ARGLU1: variants seen among roughly 807,000 people sequenced by gnomAD.
The protein encoded by ARGLU1 is arginine and glutamate rich 1, also known as arginine and glutamate-rich protein 1.
A neutral mutation model predicts 37.6 loss-of-function variants in ARGLU1; 9 were observed. The observed-to-expected ratio is 0.24, with a 90% confidence interval of 0.14 to 0.42. The LOEUF is 0.42. ARGLU1 is among the 10% of genes least tolerant of loss of function. The pLI, the probability that ARGLU1 is intolerant of heterozygous loss-of-function variation, is 1.00. For missense variants in ARGLU1, 211 were observed against 359.2 expected, an observed-to-expected ratio of 0.59 and a Z score of 3.34; for synonymous variants, 166 against 138.5, an observed-to-expected ratio of 1.20 and a Z score of -1.39.
intron 3 of ARGLU1, among the ~76,000 whole-genome samples, chr13:106,546,460 G>T (rs910671887): frequency 2.0e-5 from 3 of 152,066 alleles, no homozygotes; most frequent in Admixed American, 2.0e-4. Flanking sequence ...AATCCTACCT[G>T]TACATCAGAA....
intron 3 of ARGLU1, among the ~76,000 whole-genome samples, chr13:106,553,529 T>C (rs539537468): frequency 1.3e-5 from 2 of 152,354 alleles, no homozygotes; most frequent in South Asian, 2.1e-4. Flanking sequence ...GAAACTGTTA[T>C]ACCCATTTAA....
At chr13:106,552,208 A>G (rs762694897) in intron 3 of ARGLU1, among the ~76,000 whole-genome samples, 2 of 152,204 alleles carry the variant, frequency 1.3e-5, no homozygotes, top group Admixed American at 6.5e-5. Flanking sequence ...GAGATAACAA[A>G]CTGGTGAGAT....
rs1231624616 is a variant in ARGLU1, at chr13:106,543,609, A to T, written c.*387T>A. The T allele has an allele frequency of 6.5e-6, 1 of 153,414 alleles. No individual in the cohort carries two copies. Among genetic ancestry groups the T allele is most frequent in the Non-Finnish European group, 1.5e-5 (1 of 68,696 alleles). 9.5% of individuals were successfully genotyped at this position (153,414 alleles called of 1,614,324 possible). ...ACTTTTTCTTTTTTTATAAATATAT[A>T]AAAAAACAAAAAGTCAGCAAAACCA... On this transcript the variant is annotated 3_prime_UTR_variant, in exon 4 of 4. Transcript: ENST00000400198.
intron 3 of ARGLU1, among the ~76,000 whole-genome samples, chr13:106,548,880 C>G (rs902935655): frequency 3.9e-5 from 6 of 152,184 alleles, no homozygotes; most frequent in Non-Finnish European, 7.3e-5. Flanking sequence ...TCCCGAGTAG[C>G]TGGGACTACA....
At chr13:106,562,956 A>T (rs1177673496) in intron 1 of ARGLU1, among the ~76,000 whole-genome samples, 1 of 138,308 alleles carries the variant, frequency 7.2e-6, no homozygotes. Context: ...GCACCACTGC[A>T]CTCCAGCCTG....
At chr13:106,560,103 G>A (rs560080857) in intron 1 of ARGLU1, among the ~76,000 whole-genome samples, 16 of 152,292 alleles carry the variant, frequency 1.1e-4, no homozygotes, top group South Asian at 8.3e-4. Flanking sequence ...TTGATTTCCC[G>A]CTAAGCAAAG....
In ARGLU1 at chr13:106,567,589, C is replaced by T; in HGVS notation, c.331G>A (p.Glu111Lys). 6.2e-7 allele frequency: 1 copy of T among 1,611,884 alleles called. No individual in the cohort carries two copies. Among genetic ancestry groups the T allele is most frequent in the Non-Finnish European group, 8.5e-7 (1 of 1,178,356 alleles). ...GGCACTCACATTTTTCGCTGCCGCT[C>T]GAACTCCGCTTTCTTCTCCTCCTCC... Reference protein sequence around the residue: ...REEEEKKAEFERQRKIRQQEI... With the variant: ...REEEEKKAEFKRQRKIRQQEI... The change falls in exon 1 of 4, where the codon GAG becomes AAG. Residue 111 changes from glutamate to lysine, a missense_variant. By Grantham distance (56) the Glu-to-Lys change is moderately conservative (BLOSUM62 1). This residue lies in a region of ARGLU1 where 130 missense variants were observed against 179.8 expected (regional missense o/e 0.72). Transcript: ENST00000400198. This position sits in a 1 kb window ranked among gnomAD's most constrained non-coding sequence, Gnocchi z 4.3.
rs573179743 is a variant in ARGLU1, at chr13:106,559,106, A to G, written c.573+326T>C. 329 of 1,258,006 alleles carry G rather than the reference A, an allele frequency of 2.6e-4. 3 individuals carry two copies. The South Asian group carries it at 4.7e-3, about 18-fold the overall frequency. The allele number at this position is 1,258,006 out of a possible 1,614,324, so 77.9% of individuals were successfully genotyped here. ...GGTGGATTTTTAACCTTTTCCCTTT[A>G]CCACTCCCTGTCTCCCCACCGTCCT... On this transcript the variant is annotated intron_variant, in intron 2 of 3. Coordinates refer to ENST00000400198, the MANE Select transcript of ARGLU1 (RefSeq NM_018011.4).
intron 2 of ARGLU1, chr13:106,558,163 G>A (rs1880703574): frequency 1.0e-6 from 1 of 984,608 alleles, no homozygotes; most frequent in Non-Finnish European, 1.2e-6. Context: ...AGCAAATGAA[G>A]AGAAAAAAAT....
chr13:106,549,203 T>C (rs1168553507), intron 3 of ARGLU1, among the ~76,000 whole-genome samples: 1 of 152,220 alleles, frequency 6.6e-6, no homozygotes, highest in Non-Finnish European at 1.5e-5. Flanking sequence ...TATTCTCTAT[T>C]TGAAATATAT....
At position 106,557,615 on chromosome 13, in the gene ARGLU1, C is replaced by G; in HGVS notation, c.574-484G>C. 1 of 1,603,404 alleles carries G rather than the reference C, an allele frequency of 6.2e-7. No homozygotes were observed. Among genetic ancestry groups the G allele is most frequent in the Middle Eastern group, 1.7e-4 (1 of 6,054 alleles). The stretch of plus-strand genomic sequence containing the variant: ...CTCGGCTGCCATACGCGCCAGCTTC[C>G]TCTTTAAAATGATTTGTACTGTTAG... On this transcript the variant is annotated intron_variant, in intron 2 of 3. Transcript: ENST00000400198. The surrounding 1 kb of genome is among the most constrained non-coding windows in gnomAD (Gnocchi z 5.0).
chr13:106,546,244 T>C (rs1317494423), intron 3 of ARGLU1, among the ~76,000 whole-genome samples: 3 of 152,236 alleles, frequency 2.0e-5, no homozygotes, highest in East Asian at 1.9e-4. Flanking sequence ...CTCACCTTTC[T>C]TGACCACTGC....
At chr13:106,558,798 G>C (rs1214443182) in intron 2 of ARGLU1, 1 of 985,292 alleles carries the variant, frequency 1.0e-6, no homozygotes, top group African/African-American at 1.7e-5. Context: ...AAAAAAAGTG[G>C]ATGAATAATC....
intron 1 of ARGLU1, among the ~76,000 whole-genome samples, chr13:106,564,412 A>G (rs1880901407): frequency 6.6e-6 from 1 of 152,228 alleles, no homozygotes; most frequent in African/African-American, 2.4e-5. Context: ...TTATTCAGCA[A>G]CTCAGAATTA....
intron 1 of ARGLU1, among the ~76,000 whole-genome samples, chr13:106,561,424 T>TACACACAC (rs59373729): frequency 1.7e-3 from 251 of 147,964 alleles, no homozygotes; most frequent in Admixed American, 1.9e-3. Flanking sequence ...TAATAAAGTG[T>TACACACAC]ACACACACAC....
In ARGLU1 at chr13:106,567,640, T is replaced by C. The variant is rs768443940; in HGVS notation, c.280A>G (p.Ser94Gly). The C allele has an allele frequency of 1.1e-5, 18 of 1,613,526 alleles. No homozygotes were observed. The Middle Eastern group carries it at 8.3e-4, about 74-fold the overall frequency. ...TCTCGCTTCTGCTTCTCGTCCAGGCTGCTGCGCTTGCTCACCGTGCGCCCG... is the reference window on the plus strand; with the variant it reads ...TCTCGCTTCTGCTTCTCGTCCAGGCCGCTGCGCTTGCTCACCGTGCGCCCG... ...IFGRTVSKRSSLDEKQKREEE... is the reference protein window; with the variant it reads ...IFGRTVSKRSGLDEKQKREEE... The change falls in exon 1 of 4, where the codon AGC (serine) becomes GGC (glycine). Residue 94 changes from serine to glycine, a missense_variant. By Grantham distance (56) the Ser-to-Gly change is moderately conservative. Coordinates refer to ENST00000400198, the MANE Select transcript of ARGLU1 (RefSeq NM_018011.4). This position sits in a 1 kb window ranked among gnomAD's most constrained non-coding sequence, Gnocchi z 4.3.
chr13:106,560,714 TTC>T (rs1402312989), intron 1 of ARGLU1, among the ~76,000 whole-genome samples: 1 of 152,338 alleles, frequency 6.6e-6, no homozygotes, highest in South Asian at 2.1e-4. Context: ...AATGAATAAA[TTC>T]TGAGGCTCTT....
Position 106,549,690 on chromosome 13 carries a change from C to A in ARGLU1, c.658-5530G>T, listed in dbSNP as rs1880485882. 2.6e-5 allele frequency among the ~76,000 whole-genome samples: 4 copies of A among 152,278 alleles called. No individual in the cohort carries two copies. In the South Asian group the frequency reaches 8.3e-4, roughly 32 times the overall value. On this transcript the variant is annotated intron_variant, in intron 3 of 3. Transcript: ENST00000400198. The stretch of plus-strand genomic sequence containing the variant: ...TCTAAATTCCTATCACCACCTACTC[C>A]CTTTACCCCCTTTTATTCTTAATTC...
chr13:106,544,221 T>G (rs1594186502), intron 3 of ARGLU1, 61 bp from the exon 4 acceptor site: 2 of 1,397,702 alleles, frequency 1.4e-6, no homozygotes, highest in East Asian at 5.3e-5. Context: ...TATGTACCCC[T>G]GCAACAGGTG....
Sources: allele counts gnomAD v4.1 joint callset (sites outside exome capture counted in the v4.1 genomes callset), GRCh38; gene constraint gnomAD v4.1.1; regional missense constraint gnomAD v4.1.1; non-coding constraint Gnocchi (gnomAD v3.1); transcripts MANE v1.5; gene names NCBI Gene and HGNC (gene_info 2026-07-23, HGNC 2026-07-21).